ATP6V1C2: variants seen among roughly 807,000 people sequenced by gnomAD.
ATP6V1C2 encodes the protein V-type proton ATPase subunit C 2.
Under a neutral mutation model 56.8 loss-of-function variants are expected in ATP6V1C2, and 45 were observed. The ratio of observed to expected loss-of-function variants is 0.79; its 90% CI spans 0.62 to 1.02. ATP6V1C2 has a LOEUF of 1.02. Among genes scored for constraint, ATP6V1C2 ranks in the 50% least tolerant of loss-of-function variants. The pLI, the probability that ATP6V1C2 is intolerant of heterozygous loss-of-function variation, is 0.00. For synonymous variants in ATP6V1C2, 220 were observed against 201.3 expected (o/e 1.09, Z -0.79); for missense variants, 463 against 519.7 (o/e 0.89, Z 1.06).
rs778418019 is a variant in ATP6V1C2 at position 10,782,229 on chromosome 2, G to A, written c.1062-14G>A. 2.5e-6 allele frequency: 4 copies of A among 1,613,530 alleles called. No individual in the cohort carries two copies. In the South Asian group the frequency reaches 3.3e-5, roughly 13 times the overall value. On this transcript the variant is annotated splice_polypyrimidine_tract_variant and intron_variant, in intron 12 of 13. Transcript: ENST00000272238. The stretch of plus-strand genomic sequence containing the variant: ...TTGGAGCAGTGAACTGACACATTTT[G>A]TCTATCTGAAAAGGTATGGACTACC...
rs1348387684 is a variant in ATP6V1C2 at position 10,783,505 on chromosome 2, C to A, written c.*242C>A. On this transcript the variant is annotated 3_prime_UTR_variant, in exon 14 of 14. Coordinates refer to ENST00000272238, the MANE Select transcript of ATP6V1C2 (RefSeq NM_001039362.2). ...GAATGTTTTACATAAATGCGAACTACCTGTTCGCATTGGTAACCTGCTGCT... is the reference window on the plus strand; with the variant it reads ...GAATGTTTTACATAAATGCGAACTAACTGTTCGCATTGGTAACCTGCTGCT... The A allele has an allele frequency of 2.5e-5, 10 of 399,516 alleles. No individual in the cohort carries two copies. The highest frequency in any genetic ancestry group is 4.6e-5 in the Non-Finnish European group (10 of 218,666). The allele number at this position is 399,516 out of a possible 1,614,324, so 24.7% of individuals were successfully genotyped here. A position where few individuals can be genotyped will look rare whatever the true frequency, so the allele number is the denominator to read the frequency against.
intron 4 of ATP6V1C2, 50 bp downstream of exon 4, chr2:10,754,116 A>G (rs748694484): frequency 5.3e-6 from 8 of 1,496,440 alleles, no homozygotes; most frequent in Admixed American, 1.9e-5. Flanking sequence ...CGCTCCCTCT[A>G]GACCAGAGTC....
Position 10,784,729 on chromosome 2 carries a change from C to T in ATP6V1C2, c.*1466C>T. The T allele has an allele frequency of 1.8e-6, 1 of 556,040 alleles. No individual in the cohort carries two copies. The highest frequency in any genetic ancestry group is 3.2e-6 in the Non-Finnish European group (1 of 315,020). The allele number at this position is 556,040 out of a possible 1,614,324, so 34.4% of individuals were successfully genotyped here. On this transcript the variant is annotated 3_prime_UTR_variant, in exon 14 of 14. Coordinates refer to ENST00000272238, the MANE Select transcript of ATP6V1C2 (RefSeq NM_001039362.2). ...ACCTTACTACTGAAATGTATCTTGG[C>T]TGTCAAGAGTATCAAATGCCATGCA...
At chr2:10,772,518 CG>C (rs1176354519) in intron 7 of ATP6V1C2, 23 bp from the exon 8 acceptor site, 1 of 1,605,450 alleles carries the variant, frequency 6.2e-7, no homozygotes, top group South Asian at 1.1e-5. Context: ...CAAAAAATCA[CG>C]TAACGATTCT....
chr2:10,772,815 T>TCCCTGC lies in ATP6V1C2; in HGVS notation c.638+214_638+219dup, dbSNP rs1481988840. Among the ~76,000 whole-genome samples the TCCCTGC allele has an allele frequency of 5.1e-5, 6 of 117,246 alleles. No homozygotes were observed. In the East Asian group the frequency reaches 1.4e-3, roughly 27 times the overall value. The allele number at this position is 117,246 out of a possible 152,430, so 76.9% of individuals were successfully genotyped here. ...TGCCTTCCTCTTTCAAAACTTCACT[T>TCCCTGC]CCCTGCCCCTGCCCTGGGAAGGCTG... On this transcript the variant is annotated intron_variant, in intron 8 of 13. Coordinates refer to ENST00000272238, the MANE Select transcript of ATP6V1C2 (RefSeq NM_001039362.2).
intron 3 of ATP6V1C2, among the ~76,000 whole-genome samples, chr2:10,739,922 A>T (rs1662454653): frequency 6.6e-6 from 1 of 151,966 alleles, no homozygotes; most frequent in Non-Finnish European, 1.5e-5. Context: ...CAACATGGTG[A>T]AACCTCGTCT....
chr2:10,768,941 G>C, intron 6 of ATP6V1C2, 131 bp downstream of exon 6: 1 of 726,030 alleles, frequency 1.4e-6, no homozygotes, highest in Non-Finnish European at 2.3e-6. Context: ...GACAGGTGGA[G>C]GCACTCTCAC....
At chr2:10,732,967 C>CAAAA (rs34565390) in intron 3 of ATP6V1C2, among the ~76,000 whole-genome samples, 11,785 of 125,698 alleles carry the variant, frequency 0.094, 1,033 homozygotes, top group East Asian at 0.39. Context: ...AAGACTGTCT[C>CAAAA]AAAAAAAAAA....
chr2:10,726,579 T>C lies in ATP6V1C2; in HGVS notation c.197+10T>C, dbSNP rs371894347. The C allele has an allele frequency of 2.7e-5, 43 of 1,606,712 alleles. No homozygotes were observed. In the African/African-American group the frequency reaches 5.6e-4, roughly 21 times the overall value. On this transcript the variant is annotated intron_variant, in intron 3 of 13. Transcript: ENST00000272238. ...ACACCTTTGCTGAAAGGTAAAATAT[T>C]CCTTATTTACTACATACAAGTGAGA...
In ATP6V1C2 at chr2:10,782,727, AG is replaced by A. The variant is rs371723664; in HGVS notation, c.1194+354del. Among the ~76,000 whole-genome samples the A allele has an allele frequency of 1.1e-3, 158 of 148,796 alleles. 2 individuals carry two copies. The South Asian group carries it at 0.017, about 16-fold the overall frequency. On this transcript the variant is annotated intron_variant, in intron 13 of 13. Coordinates refer to ENST00000272238, the MANE Select transcript of ATP6V1C2 (RefSeq NM_001039362.2). ...GTGCCTGTAGTCTCAGCTACTTGGG[AG>A]GTTGAGGCAGGAGAATCGCTTGAAC...
chr2:10,736,185 T>G (rs1237891476), intron 3 of ATP6V1C2, among the ~76,000 whole-genome samples: 3 of 152,174 alleles, frequency 2.0e-5, no homozygotes, highest in Non-Finnish European at 2.9e-5. Context: ...GTGATACTGA[T>G]GCTGCGGGCC....
chr2:10,735,645 G>A (rs1389939757), intron 3 of ATP6V1C2, among the ~76,000 whole-genome samples: 1 of 149,086 alleles, frequency 6.7e-6, no homozygotes, highest in African/African-American at 2.5e-5. Context: ...CCATGCTAGT[G>A]TTAGTCATGA....
At chr2:10,733,078 A>T (rs538977911) in intron 3 of ATP6V1C2, among the ~76,000 whole-genome samples, 2 of 152,244 alleles carry the variant, frequency 1.3e-5, no homozygotes, top group Admixed American at 6.5e-5. Context: ...AACAATAAGG[A>T]CTAGGTGTGG....
chr2:10,744,669 CTTTT>C (rs772851204), intron 3 of ATP6V1C2, among the ~76,000 whole-genome samples: 2,655 of 125,488 alleles, frequency 0.021, 33 homozygotes, highest in Non-Finnish European at 0.032. Flanking sequence ...TTCTCTTTTT[CTTTT>C]TTTTTTTTTT....
intron 10 of ATP6V1C2, among the ~76,000 whole-genome samples, chr2:10,777,030 C>T (rs1665037941): frequency 1.3e-5 from 2 of 152,230 alleles, no homozygotes; most frequent in Admixed American, 6.5e-5. Flanking sequence ...GAGGGACAGA[C>T]CAGGCCCTGG....
rs1316889460 is a variant in ATP6V1C2 at position 10,785,014 on chromosome 2, G to A, written c.*1751G>A. On this transcript the variant is annotated 3_prime_UTR_variant, in exon 14 of 14. Transcript: ENST00000272238. ...CCTCCTACAGGTGCCGTGGAGCCACGCCCAAAAGAGAGCTCCCTTAGGGAA... is the reference window on the plus strand; with the variant it reads ...CCTCCTACAGGTGCCGTGGAGCCACACCCAAAAGAGAGCTCCCTTAGGGAA... 1.9e-6 allele frequency: 3 copies of A among 1,579,428 alleles called. No individual in the cohort carries two copies. The highest frequency in any genetic ancestry group is 4.6e-5 in the East Asian group (2 of 43,390).
chr2:10,778,193 G>A (rs866339400), intron 11 of ATP6V1C2, among the ~76,000 whole-genome samples: 7 of 152,354 alleles, frequency 4.6e-5, no homozygotes, highest in Middle Eastern at 3.4e-3. Context: ...GAGGGGAGGC[G>A]GCTGCTGTGG....
chr2:10,754,156 G>A (rs911454993), intron 4 of ATP6V1C2, 90 bp downstream of exon 4: 12 of 1,094,814 alleles, frequency 1.1e-5, no homozygotes, highest in Admixed American at 8.3e-5. Flanking sequence ...AGCAATCACC[G>A]AGATGGCCCA....
rs150568797 is a variant in ATP6V1C2, at chr2:10,781,586, C to G, written c.1062-657C>G. 9.9e-5 allele frequency among the ~76,000 whole-genome samples: 15 copies of G among 152,268 alleles called. No homozygotes were observed. In the East Asian group the frequency reaches 2.9e-3, roughly 29 times the overall value. ...ACAGAGTACTAGGTGAGTGGAAGGG[C>G]GTGTAAAAACAGACTTCACATCAAG... On this transcript the variant is annotated intron_variant, in intron 12 of 13. Transcript: ENST00000272238.
Sources: allele counts gnomAD v4.1 joint callset (sites outside exome capture counted in the v4.1 genomes callset), GRCh38; gene constraint gnomAD v4.1.1; transcripts MANE v1.5; gene names NCBI Gene and HGNC (gene_info 2026-07-23, HGNC 2026-07-21).